CCDC88C: variants seen among roughly 807,000 people sequenced by gnomAD.
The protein encoded by CCDC88C is protein Daple.
A neutral mutation model predicts 198.8 loss-of-function variants in CCDC88C; 131 were observed. The ratio of observed to expected loss-of-function variants is 0.66; its 90% CI spans 0.57 to 0.76. CCDC88C has a LOEUF of 0.76. CCDC88C is among the 30% of genes least tolerant of loss of function. The probability of loss-of-function intolerance (pLI) is 0.00; values close to 1 mark genes in which losing one functional copy is unlikely to be tolerated. For missense variants in CCDC88C, 2,553 were observed against 2,631.6 expected (o/e 0.97, Z 0.65); for synonymous variants, 1,166 against 1,114.7 (o/e 1.05, Z -0.92).
chr14:91,403,127 A>T (rs149039549), intron 3 of CCDC88C, among the ~76,000 whole-genome samples: 3 of 152,328 alleles, frequency 2.0e-5, no homozygotes, highest in Non-Finnish European at 4.4e-5. Flanking sequence ...GCCCGCCCAG[A>T]GAGACGGCGG....
chr14:91,345,165 T>C (rs750848549), intron 4 of CCDC88C, among the ~76,000 whole-genome samples: 1 of 110,866 alleles, frequency 9.0e-6, no homozygotes, highest in Non-Finnish European at 1.9e-5. Flanking sequence ...AGAGGTTCAA[T>C]TTATATATAT....
Position 91,321,145 on chromosome 14 carries a change from T to C in CCDC88C, c.1502A>G (p.Lys501Arg). Residue 501 changes from lysine to arginine, a missense_variant, in exon 13 of 30, where the codon AAG becomes AGG. Physicochemically the swap from Lys to Arg is conservative, Grantham distance 26. Coordinates refer to ENST00000389857, the MANE Select transcript of CCDC88C (RefSeq NM_001080414.4). ...ESGLKCGELE[K>R]ENHQLSKKIE... ...CTTCTTGCTGAGCTGGTGGTTCTCCTTCTCCAGCTCCCCGCACTTGAGGCC... is the reference window on the plus strand; with the variant it reads ...CTTCTTGCTGAGCTGGTGGTTCTCCCTCTCCAGCTCCCCGCACTTGAGGCC... The C allele has an allele frequency of 6.2e-7, 1 of 1,611,936 alleles. No homozygotes were observed. Among genetic ancestry groups the C allele is most frequent in the South Asian group, 1.1e-5 (1 of 90,880 alleles).
At chr14:91,392,745 C>CCGCGCCCCT (rs1362619225) in intron 3 of CCDC88C, among the ~76,000 whole-genome samples, 17 of 151,616 alleles carry the variant, frequency 1.1e-4, no homozygotes, top group African/African-American at 3.9e-4. Flanking sequence ...CTCACTCTCA[C>CCGCGCCCCT]CACGCCCCTC....
chr14:91,314,900 G>A (rs1768367767), intron 14 of CCDC88C, among the ~76,000 whole-genome samples: 1 of 152,224 alleles, frequency 6.6e-6, no homozygotes, highest in African/African-American at 2.4e-5. Context: ...ACTTTGGGAA[G>A]CTAAGACGGG....
chr14:91,289,412 T>C (rs1890566837), intron 24 of CCDC88C, 69 bp from the exon 25 acceptor site: 23 of 1,340,678 alleles, frequency 1.7e-5, no homozygotes, highest in Non-Finnish European at 2.5e-5. Flanking sequence ...CCTGGTTCCC[T>C]AACATGGGCT....
chr14:91,297,435 G>T lies in CCDC88C; in HGVS notation c.3836C>A (p.Thr1279Asn), dbSNP rs1448008042. The T allele has an allele frequency of 1.9e-6, 3 of 1,598,810 alleles. No homozygotes were observed. Among genetic ancestry groups the T allele is most frequent in the African/African-American group, 2.7e-5 (2 of 74,630 alleles). The change falls in exon 22 of 30, where the codon ACC becomes AAC. Residue 1279 changes from threonine to asparagine, a missense_variant. Thr to Asn is a moderately conservative substitution (Grantham distance 65). Around this residue, in one of 2 missense-constraint regions of CCDC88C, gnomAD observed 1,293 missense variants for 1,219.6 expected, o/e 1.06. Coordinates refer to ENST00000389857, the MANE Select transcript of CCDC88C (RefSeq NM_001080414.4). ...KGEYEELHAH[T>N]KELKTSLNNA... ...GTTCAGTGAGGTTTTCAGCTCCTTG[G>T]TGTGGGCGTGCAGCTCCTCGTACTC...
intron 3 of CCDC88C, among the ~76,000 whole-genome samples, chr14:91,402,919 G>C (rs1286182387): frequency 6.6e-6 from 1 of 152,194 alleles, no homozygotes; most frequent in East Asian, 1.9e-4. Context: ...GAACCTTCTG[G>C]CCTTGTGCCC....
At chr14:91,417,415 G>GT in intron 1 of CCDC88C, 1 of 572,658 alleles carries the variant, frequency 1.7e-6, no homozygotes, top group Non-Finnish European at 3.1e-6. Flanking sequence ...GCGCGGCGGG[G>GT]TCCCGCGCCG....
chr14:91,300,800 C>T lies in CCDC88C; in HGVS notation c.3636-730G>A, dbSNP rs564625145. On this transcript the variant is annotated intron_variant, in intron 20 of 29. Coordinates refer to ENST00000389857, the MANE Select transcript of CCDC88C (RefSeq NM_001080414.4). ...TACAATGATGTAGCCCCATAGGTCC[C>T]GGCCCCTCCCCTTCCCAGCCTGTTT... 5.4e-4 allele frequency among the ~76,000 whole-genome samples: 82 copies of T among 152,328 alleles called. 1 individual carries two copies. The Middle Eastern group carries it at 0.01, about 19-fold the overall frequency.
rs375400399 is a variant in CCDC88C, at chr14:91,303,984, G to A, written c.3358-6C>T. The A allele has an allele frequency of 2.1e-5, 33 of 1,595,476 alleles. No individual in the cohort carries two copies. Among genetic ancestry groups the A allele is most frequent in the Non-Finnish European group, 2.6e-5 (30 of 1,172,616 alleles). On this transcript the variant is annotated splice_region_variant and splice_polypyrimidine_tract_variant and intron_variant, in intron 19 of 29. Transcript: ENST00000389857. ...CTCAGCGTGGAGTTCTCCACCTGCCGAGAGGGAGAAGCGCGGCGTGGCGCA... is the reference window on the plus strand; with the variant it reads ...CTCAGCGTGGAGTTCTCCACCTGCCAAGAGGGAGAAGCGCGGCGTGGCGCA...
intron 13 of CCDC88C, among the ~76,000 whole-genome samples, chr14:91,318,917 C>CAA (rs61183857): frequency 0.049 from 5,142 of 105,176 alleles, 340 homozygotes; most frequent in African/African-American, 0.14. Context: ...AGACTCCGTC[C>CAA]AAAAAAAAAA....
chr14:91,321,265 G>T lies in CCDC88C; in HGVS notation c.1382C>A (p.Ala461Glu). The T allele has an allele frequency of 6.3e-7, 1 of 1,575,802 alleles. No homozygotes were observed. The highest frequency in any genetic ancestry group is 1.2e-5 in the South Asian group (1 of 86,188). ...KSFVFELNEC[A>E]SSRILKLEKE... ...CTCCAGCTTCAGGATGCGGCTGGACGCACATTCGTTCAGCTCAAACACAAA... is the reference window on the plus strand; with the variant it reads ...CTCCAGCTTCAGGATGCGGCTGGACTCACATTCGTTCAGCTCAAACACAAA... The change falls in exon 13 of 30, where the codon GCG becomes GAG. Residue 461 changes from alanine (A) to glutamate (E), a missense_variant. Ala to Glu is a moderately radical substitution (Grantham distance 107, BLOSUM62 -1). This residue lies in a region of CCDC88C where 1,260 missense variants were observed against 1,412.0 expected (regional missense o/e 0.89). Coordinates refer to ENST00000389857, the MANE Select transcript of CCDC88C (RefSeq NM_001080414.4).
At chr14:91,281,203 G>A (rs1890181611) in intron 27 of CCDC88C, 1 of 887,730 alleles carries the variant, frequency 1.1e-6, no homozygotes. Flanking sequence ...AAGGGTGCTT[G>A]AAGGCATGAA....
At chr14:91,275,431 C>T (rs934633628) in intron 29 of CCDC88C, among the ~76,000 whole-genome samples, 1 of 151,890 alleles carries the variant, frequency 6.6e-6, no homozygotes, top group African/African-American at 2.4e-5. Flanking sequence ...CAGCTGTGGG[C>T]CCCCCCAATT....
At chr14:91,398,211 G>A (rs1249970469) in intron 3 of CCDC88C, among the ~76,000 whole-genome samples, 1 of 152,158 alleles carries the variant, frequency 6.6e-6, no homozygotes, top group Non-Finnish European at 1.5e-5. Flanking sequence ...ACAACAAAAA[G>A]GAGAGAAAAG....
rs149706346 is a variant in CCDC88C, at chr14:91,299,799, G to GT, written c.3779+127dup. 1.9e-3 allele frequency: 2,404 copies of GT among 1,273,260 alleles called. 41 individuals are homozygous for GT. The African/African-American group carries it at 0.033, about 17-fold the overall frequency. The allele number at this position is 1,273,260 out of a possible 1,614,324, so 78.9% of individuals were successfully genotyped here. A position where few individuals can be genotyped will look rare whatever the true frequency, so the allele number is the denominator to read the frequency against. On this transcript the variant is annotated intron_variant, in intron 21 of 29. Transcript: ENST00000389857. Reference sequence around the variant, plus strand: ...TTTAGCTTATTTTACCCACCCAGCTGTTCACACAGCAAGGGATAAAAATCC... The same window carrying GT: ...TTTAGCTTATTTTACCCACCCAGCTGTTTCACACAGCAAGGGATAAAAATCC...
rs781618771 is a variant in CCDC88C at position 91,309,830 on chromosome 14, C to T, written c.2864+29G>A. 2.1e-5 allele frequency: 34 copies of T among 1,592,464 alleles called. No individual in the cohort carries two copies. The East Asian group carries it at 2.7e-4, about 13-fold the overall frequency. On this transcript the variant is annotated intron_variant, in intron 16 of 29. Coordinates refer to ENST00000389857, the MANE Select transcript of CCDC88C (RefSeq NM_001080414.4). ...CTGAACAGTGGAGGAAGTGCTCCCA[C>T]GATGGGGAGAGGGAGAAGAGGCCCT...
intron 20 of CCDC88C, among the ~76,000 whole-genome samples, chr14:91,302,255 A>G (rs1891331042): frequency 6.6e-6 from 1 of 152,200 alleles, no homozygotes; most frequent in African/African-American, 2.4e-5. Flanking sequence ...TCACTTAGCC[A>G]TGTTGTTGAG....
chr14:91,300,151 T>A, intron 20 of CCDC88C, 81 bp from the exon 21 acceptor site: 1 of 1,525,698 alleles, frequency 6.6e-7, no homozygotes, highest in Non-Finnish European at 8.8e-7. Context: ...AGGATCTGCG[T>A]GCCTCCCGTG....
Sources: allele counts gnomAD v4.1 joint callset (sites outside exome capture counted in the v4.1 genomes callset), GRCh38; gene constraint gnomAD v4.1.1; regional missense constraint gnomAD v4.1.1; transcripts MANE v1.5; gene names NCBI Gene and HGNC (gene_info 2026-07-23, HGNC 2026-07-21).